The following CADM1 variants were observed in gnomAD, a reference collection of about 807,000 sequenced individuals.
The protein encoded by CADM1 is TSLC-1.
Under a neutral mutation model 53.1 loss-of-function variants are expected in CADM1, and 15 were observed. The ratio of observed to expected loss-of-function variants is 0.28; its 90% CI spans 0.19 to 0.44. The LOEUF (loss-of-function observed/expected upper bound fraction) is 0.44. Among genes scored for constraint, CADM1 ranks in the 20% least tolerant of loss-of-function variants. CADM1 has a pLI of 1.00. For synonymous variants in CADM1, 281 were observed against 243.0 expected (o/e 1.16, Z -1.45); for missense variants, 434 against 611.3 (o/e 0.71, Z 3.06).
At chr11:115,346,280 G>A (rs1945575327) in intron 1 of CADM1, among the ~76,000 whole-genome samples, 1 of 152,208 alleles carries the variant, frequency 6.6e-6, no homozygotes, top group Admixed American at 6.6e-5. Context: ...GACTGCAAGT[G>A]AATGTCAAAG....
intron 1 of CADM1, among the ~76,000 whole-genome samples, chr11:115,452,882 G>A (rs980829008): frequency 3.9e-5 from 6 of 152,160 alleles, no homozygotes; most frequent in African/African-American, 1.4e-4. Flanking sequence ...AGGAGAAAGG[G>A]TGGGAGTGAT....
Position 115,351,724 on chromosome 11 carries a change from A to G in CADM1, c.125-111304T>C, listed in dbSNP as rs1378671687. ...CACAGAAAACATTCTCTTAATCAAA[A>G]ATAGGCACAGTAGTAATATAAAACC... On this transcript the variant is annotated intron_variant, in intron 1 of 11. Transcript: ENST00000331581. 2.0e-5 allele frequency among the ~76,000 whole-genome samples: 3 copies of G among 152,184 alleles called. No homozygotes were observed. In the East Asian group the frequency reaches 5.8e-4, roughly 29 times the overall value.
intron 1 of CADM1, among the ~76,000 whole-genome samples, chr11:115,277,265 G>A (rs371821577): frequency 6.6e-5 from 10 of 152,096 alleles, no homozygotes; most frequent in Non-Finnish European, 1.2e-4. Flanking sequence ...ATGTTGTTAC[G>A]GAGACTCGAT....
rs143654641 is a variant in CADM1, at chr11:115,440,725, C to A, written c.124+63546G>T. On this transcript the variant is annotated intron_variant, in intron 1 of 11. Coordinates refer to ENST00000331581, the MANE Select transcript of CADM1 (RefSeq NM_001301043.2). ...ACTTATCCTTGTTCTTGACATTTTC[C>A]TTCTGAGTATCTGAGAAAACTGTGG... Among the ~76,000 whole-genome samples, 12 of 152,336 alleles carry A rather than the reference C, an allele frequency of 7.9e-5. No individual in the cohort carries two copies. The East Asian group carries it at 2.3e-3, about 29-fold the overall frequency.
chr11:115,399,917 C>T (rs897846932), intron 1 of CADM1, among the ~76,000 whole-genome samples: 1 of 152,106 alleles, frequency 6.6e-6, no homozygotes, highest in Non-Finnish European at 1.5e-5. Context: ...GTAGGATATC[C>T]CTGAATCTTA....
At chr11:115,419,257 C>G (rs1947693213) in intron 1 of CADM1, among the ~76,000 whole-genome samples, 1 of 152,200 alleles carries the variant, frequency 6.6e-6, no homozygotes, top group Non-Finnish European at 1.5e-5. Context: ...CCATTTGCTT[C>G]TAATAGACTG....
chr11:115,176,988 C>G (rs1319638262), intron 11 of CADM1, among the ~76,000 whole-genome samples: 2 of 152,182 alleles, frequency 1.3e-5, no homozygotes, highest in Admixed American at 6.5e-5. Context: ...CAAGGAAGAG[C>G]AATTAGCCAA....
chr11:115,314,837 T>C (rs1944619854), intron 1 of CADM1, among the ~76,000 whole-genome samples: 1 of 152,166 alleles, frequency 6.6e-6, no homozygotes, highest in African/African-American at 2.4e-5. Flanking sequence ...AAAATGACCA[T>C]ACAAAAACAA....
intron 1 of CADM1, among the ~76,000 whole-genome samples, chr11:115,316,554 A>T (rs953990743): frequency 6.6e-6 from 1 of 152,098 alleles, no homozygotes; most frequent in African/African-American, 2.4e-5. Flanking sequence ...AGTAGCAGCA[A>T]ATGCAAAGAA....
At chr11:115,303,906 C>T (rs745540340) in intron 1 of CADM1, among the ~76,000 whole-genome samples, 1 of 152,000 alleles carries the variant, frequency 6.6e-6, no homozygotes, top group Non-Finnish European at 1.5e-5. Context: ...GGCACAAAGG[C>T]CTCCTTCCTA....
chr11:115,228,542 A>G (rs1941698763), intron 5 of CADM1, among the ~76,000 whole-genome samples: 1 of 152,210 alleles, frequency 6.6e-6, no homozygotes, highest in African/African-American at 2.4e-5. Context: ...AGAAGGGTCC[A>G]GAGGAGAAGA....
intron 1 of CADM1, among the ~76,000 whole-genome samples, chr11:115,395,590 G>A (rs1348254775): frequency 6.6e-6 from 1 of 152,110 alleles, no homozygotes; most frequent in Non-Finnish European, 1.5e-5. Context: ...CACAAAAAAA[G>A]GTATGCAGAT....
At chr11:115,231,127 C>T (rs1358456614) in intron 4 of CADM1, among the ~76,000 whole-genome samples, 4 of 152,108 alleles carry the variant, frequency 2.6e-5, no homozygotes, top group African/African-American at 7.2e-5. Context: ...CTGAGTAGAG[C>T]GACAGCTATC....
intron 1 of CADM1, among the ~76,000 whole-genome samples, chr11:115,458,493 AATT>A (rs67114126): frequency 0.33 from 47,330 of 143,338 alleles, 8,092 homozygotes; most frequent in South Asian, 0.46. Context: ...TGTTAGCTGT[AATT>A]ATTATTATTA....
intron 1 of CADM1, among the ~76,000 whole-genome samples, chr11:115,493,278 TAAAA>T (rs536260260): frequency 8.2e-6 from 1 of 122,504 alleles, no homozygotes; most frequent in African/African-American, 3.0e-5. Flanking sequence ...TGTAATTTTC[TAAAA>T]AAAAAAAAAA....
chr11:115,173,802 A>G lies in CADM1; in HGVS notation c.*2672T>C. 7 of 984,864 alleles carry G rather than the reference A, an allele frequency of 7.1e-6. No individual in the cohort carries two copies. The highest frequency in any genetic ancestry group is 8.4e-6 in the Non-Finnish European group (7 of 829,500). The allele number at this position is 984,864 out of a possible 1,614,324, so 61.0% of individuals were successfully genotyped here. A position where few individuals can be genotyped will look rare whatever the true frequency, so the allele number is the denominator to read the frequency against. On this transcript the variant is annotated 3_prime_UTR_variant, in exon 12 of 12. Transcript: ENST00000331581. The stretch of plus-strand genomic sequence containing the variant: ...TGTCCATGTACACCTTAAAAACAGA[A>G]CTGGCCTAAAGGGAAAAATAAGACG...
chr11:115,445,168 T>C (rs1485523956), intron 1 of CADM1, among the ~76,000 whole-genome samples: 5 of 152,342 alleles, frequency 3.3e-5, no homozygotes, highest in African/African-American at 1.2e-4. Flanking sequence ...TTCCCTTTCA[T>C]TCTAGACTCA....
chr11:115,236,277 C>A (rs754352774), intron 3 of CADM1, among the ~76,000 whole-genome samples: 1 of 151,940 alleles, frequency 6.6e-6, no homozygotes, highest in Non-Finnish European at 1.5e-5. Context: ...CTAAACCTTA[C>A]GAGAAACGTT....
At chr11:115,457,261 C>T (rs999699394) in intron 1 of CADM1, among the ~76,000 whole-genome samples, 1 of 152,170 alleles carries the variant, frequency 6.6e-6, no homozygotes, top group African/African-American at 2.4e-5. Flanking sequence ...ATTCTTTCCA[C>T]TCTGCTGTTT....
Sources: gnomAD v4.1 joint callset for allele counts (sites outside exome capture counted in the v4.1 genomes callset) on GRCh38, gnomAD v4.1.1 for gene constraint, MANE v1.5 for transcripts, NCBI Gene and HGNC (gene_info 2026-07-23, HGNC 2026-07-21) for gene names.